SCP2: variants seen among roughly 807,000 people sequenced by gnomAD.
The protein encoded by SCP2 is SCP-2/3-oxoacyl-CoA thiolase.
Under a neutral mutation model 71.4 loss-of-function variants are expected in SCP2, and 48 were observed. The ratio of observed to expected loss-of-function variants is 0.67; its 90% CI spans 0.53 to 0.86. The LOEUF (loss-of-function observed/expected upper bound fraction) is 0.86. Ranked by LOEUF, SCP2 falls within the 40% of genes least tolerant of loss-of-function variation. SCP2 has a pLI of 0.00. For missense variants in SCP2, 560 were observed against 655.6 expected (o/e 0.85, Z 1.59); for synonymous variants, 220 against 218.1 (o/e 1.01, Z -0.08).
intron 11 of SCP2, chr1:52,993,541 C>G (rs1041596415): frequency 1.3e-5 from 21 of 1,612,246 alleles, no homozygotes; most frequent in Non-Finnish European, 1.7e-5. Flanking sequence ...AAAAGACCAA[C>G]AGGAAGCCCT....
intron 1 of SCP2, among the ~76,000 whole-genome samples, chr1:52,929,633 T>C (rs538605999): frequency 2.0e-5 from 3 of 151,976 alleles, no homozygotes; most frequent in African/African-American, 7.3e-5. Context: ...TTATTTATTT[T>C]ATTTTTTGAC....
At chr1:53,038,670 G>T (rs1213296041) in intron 13 of SCP2, among the ~76,000 whole-genome samples, 2 of 152,140 alleles carry the variant, frequency 1.3e-5, no homozygotes, top group African/African-American at 4.8e-5. Context: ...CTCCCAAAGT[G>T]CTGAGATTAC....
chr1:52,958,819 T>C, intron 5 of SCP2, among the ~76,000 whole-genome samples: 1 of 152,110 alleles, frequency 6.6e-6, no homozygotes, highest in South Asian at 2.1e-4. Flanking sequence ...CCTCCCAAAG[T>C]GTTGGGATTA....
In SCP2 at chr1:52,974,794, A is replaced by G. The variant is rs1657803409; in HGVS notation, c.549A>G (p.Lys183=). The change falls in exon 7 of 16, where the codon AAA becomes AAG. Residue 183 remains lysine, a synonymous_variant. Transcript: ENST00000371514. ...KYGTKIEHFA[K]IGWKNHKHSV... Reference sequence around the variant, plus strand: ...GAACAAAAATTGAACACTTTGCAAAAATTGGATGGAAAAATCATAAACATT... The same window carrying G: ...GAACAAAAATTGAACACTTTGCAAAGATTGGATGGAAAAATCATAAACATT... The G allele has an allele frequency of 6.5e-7, 1 of 1,549,672 alleles. No individual in the cohort carries two copies.
At chr1:52,976,644 T>C (rs765942008) in intron 7 of SCP2, 39 bp from the exon 8 acceptor site, 1 of 990,558 alleles carries the variant, frequency 1.0e-6, no homozygotes, top group Admixed American at 1.7e-5. Context: ...TTACAGTTGC[T>C]ATCTCACATT....
intron 1 of SCP2, among the ~76,000 whole-genome samples, chr1:52,928,444 G>A (rs1652745952): frequency 6.6e-6 from 1 of 152,212 alleles, no homozygotes; most frequent in Admixed American, 6.5e-5. Context: ...GCCCTAAAAT[G>A]TTTATTATTT....
At chr1:53,008,171 C>T (rs548573541) in intron 11 of SCP2, among the ~76,000 whole-genome samples, 12 of 152,204 alleles carry the variant, frequency 7.9e-5, no homozygotes, top group Admixed American at 2.6e-4. Flanking sequence ...CAGGACCAGA[C>T]GGATTCACAG....
intron 11 of SCP2, among the ~76,000 whole-genome samples, chr1:53,010,258 C>T (rs1258434533): frequency 6.6e-6 from 1 of 152,132 alleles, no homozygotes; most frequent in East Asian, 1.9e-4. Flanking sequence ...TAGCATTTGA[C>T]CCAGCCATCC....
At chr1:53,015,759 T>C (rs1661295046) in intron 12 of SCP2, among the ~76,000 whole-genome samples, 1 of 152,172 alleles carries the variant, frequency 6.6e-6, no homozygotes, top group African/African-American at 2.4e-5. Context: ...ATTGTTGTTG[T>C]TCATGATGAG....
intron 13 of SCP2, 144 bp from the exon 14 acceptor site, chr1:53,038,773 T>C (rs1663202333): frequency 7.1e-6 from 7 of 987,206 alleles, no homozygotes; most frequent in Non-Finnish European, 1.1e-5. Context: ...TTCAGACTTT[T>C]CTGGGTAAAA....
chr1:53,040,143 C>T (rs1663315749), intron 14 of SCP2, among the ~76,000 whole-genome samples: 1 of 152,190 alleles, frequency 6.6e-6, no homozygotes, highest in Admixed American at 6.5e-5. Context: ...TCCGGTCTCC[C>T]CGATTCTGTT....
At chr1:53,023,415 C>G (rs4130007) in intron 12 of SCP2, among the ~76,000 whole-genome samples, 20,686 of 152,146 alleles carry the variant, frequency 0.14, 2,027 homozygotes, top group East Asian at 0.32. Context: ...AGACGATATA[C>G]TGTACCATAG....
intron 1 of SCP2, among the ~76,000 whole-genome samples, chr1:52,936,292 G>A (rs1172654770): frequency 6.6e-6 from 1 of 152,080 alleles, no homozygotes; most frequent in Non-Finnish European, 1.5e-5. Context: ...CTTCATAATC[G>A]AAAGCTCTTT....
intron 2 of SCP2, among the ~76,000 whole-genome samples, chr1:52,943,239 T>C (rs1458460690): frequency 1.3e-5 from 2 of 151,900 alleles, no homozygotes; most frequent in African/African-American, 4.8e-5. Flanking sequence ...TTTTTTTTTT[T>C]TGAGACGGAG....
At chr1:52,960,418 A>G (rs1275109734) in intron 5 of SCP2, among the ~76,000 whole-genome samples, 1 of 150,184 alleles carries the variant, frequency 6.7e-6, no homozygotes, top group Non-Finnish European at 1.5e-5. Context: ...TGGGCCTTCC[A>G]CCTGGGCCTG....
chr1:52,958,483 G>A (rs191723899), intron 5 of SCP2, among the ~76,000 whole-genome samples: 34 of 152,100 alleles, frequency 2.2e-4, no homozygotes, highest in Admixed American at 9.2e-4. Context: ...CACCTGCCTC[G>A]GCCTCCTAAA....
chr1:53,039,283 C>G (rs2150264053), intron 14 of SCP2, among the ~76,000 whole-genome samples: 1 of 152,340 alleles, frequency 6.6e-6, no homozygotes, highest in Non-Finnish European at 1.5e-5. Context: ...GTTGGAGTCC[C>G]ATCCATGCCA....
intron 11 of SCP2, among the ~76,000 whole-genome samples, chr1:52,992,932 TAAAAA>T (rs1167429578): frequency 6.6e-6 from 1 of 152,132 alleles, no homozygotes. Flanking sequence ...TGTAAGCACT[TAAAAA>T]AAGAGCATGT....
intron 11 of SCP2, among the ~76,000 whole-genome samples, chr1:53,010,421 A>G (rs937606996): frequency 6.6e-6 from 1 of 152,264 alleles, no homozygotes; most frequent in African/African-American, 2.4e-5. Flanking sequence ...AATGTGGCAC[A>G]TATACACCAC....
Sources: allele counts gnomAD v4.1 joint callset (sites outside exome capture counted in the v4.1 genomes callset), GRCh38; gene constraint gnomAD v4.1.1; transcripts MANE v1.5; gene names NCBI Gene and HGNC (gene_info 2026-07-23, HGNC 2026-07-21).